The following PUDP variants were observed in gnomAD, a reference collection of about 807,000 sequenced individuals.
The protein encoded by PUDP is pseudouridine-5'-phosphatase.
PUDP carries 8 observed loss-of-function variants against 9.4 expected under a neutral mutation model. That is an observed-to-expected ratio of 0.85 (90% CI 0.50 to 1.53). The LOEUF (loss-of-function observed/expected upper bound fraction) is 1.53. Ranked by LOEUF, PUDP falls within the 40% of genes most tolerant of loss-of-function variation. The pLI is 0.00. For synonymous variants in PUDP, 99 were observed against 80.7 expected, an observed-to-expected ratio of 1.23 and a Z score of -1.22; for missense variants, 188 against 189.7, an observed-to-expected ratio of 0.99 and a Z score of 0.05.
chrX:6,822,465 C>T (rs1347676478), intron 3 of PUDP, among the ~76,000 whole-genome samples: 2 of 112,156 alleles, frequency 1.8e-5, no homozygotes, highest in Admixed American at 9.4e-5. Flanking sequence ...CTCGCTCTAT[C>T]GTCCAGGCTG....
At chrX:6,906,798 A>C (rs751065240) in intron 3 of PUDP, among the ~76,000 whole-genome samples, 2 of 111,875 alleles carry the variant, frequency 1.8e-5, no homozygotes, top group Non-Finnish European at 3.8e-5. Flanking sequence ...TGGGAACATC[A>C]GACTGTAGCT....
chrX:6,790,181 TAGAC>T (rs757637792), intron 3 of PUDP, among the ~76,000 whole-genome samples: 10 of 111,418 alleles, frequency 9.0e-5, no homozygotes, highest in Non-Finnish European at 1.9e-4. Flanking sequence ...TGACAGATAA[TAGAC>T]AGATAATGAC....
rs1415426203 is a variant in PUDP at position 6,950,577 on chromosome X, A to AT, written c.*247+26555dup. Among the ~76,000 whole-genome samples the AT allele has an allele frequency of 2.8e-3, 287 of 103,524 alleles. 3 individuals carry two copies. Among genetic ancestry groups the AT allele is most frequent in the African/African-American group, 9.6e-3 (271 of 28,352 alleles). 89.9% of individuals were successfully genotyped at this position (103,524 alleles called of 115,157 possible). On this transcript the variant is annotated intron_variant and NMD_transcript_variant, in intron 3 of 3. Coordinates refer to the PUDP transcript ENST00000655425. ...AGGCACCCACCACCACTCCCGGCTA[A>AT]TTTTTTGTATTTTTAGTGTAGACAG...
At chrX:6,805,910 A>G (rs1440136066) in intron 3 of PUDP, among the ~76,000 whole-genome samples, 3 of 111,898 alleles carry the variant, frequency 2.7e-5, no homozygotes, top group Admixed American at 9.5e-5. Context: ...AAGTTTGAGC[A>G]GAGGAATTTC....
rs753170117 is a variant in PUDP at position 7,030,583 on chromosome X, T to C, written c.204+46637A>G. Among the ~76,000 whole-genome samples, 177 of 111,065 alleles carry C rather than the reference T, an allele frequency of 1.6e-3. 1 individual carries two copies. Among genetic ancestry groups the C allele is most frequent in the African/African-American group, 4.8e-3 (146 of 30,593 alleles). On this transcript the variant is annotated intron_variant and NMD_transcript_variant, in intron 1 of 3. Transcript: ENST00000655425. ...GCAAAACACACATCCCAGAACATGC[T>C]TGGAGACAGGGGAGGCCACTCTCTA... is the stretch of plus-strand genomic sequence containing the variant.
chrX:6,819,536 T>C (rs994293036), intron 3 of PUDP, among the ~76,000 whole-genome samples: 4 of 112,572 alleles, frequency 3.6e-5, no homozygotes, highest in Non-Finnish European at 7.5e-5. Context: ...AATTTGAAAG[T>C]TCCCCCTTTT....
intron 3 of PUDP, among the ~76,000 whole-genome samples, chrX:6,856,337 C>T (rs1926905836): frequency 8.9e-6 from 1 of 111,761 alleles, no homozygotes; most frequent in Non-Finnish European, 1.9e-5. Context: ...CACCTGTTTC[C>T]AGGCTTCTTT....
In PUDP at chrX:7,029,224, A is replaced by G. The variant is rs749134191; in HGVS notation, c.204+47996T>C. On this transcript the variant is annotated intron_variant and NMD_transcript_variant, in intron 1 of 3. Coordinates refer to the PUDP transcript ENST00000655425. ...CTTCTTCTTCCAATGTGGCCCAGGG[A>G]AGCCAAAAGATTGGACTCCGTTGCC... Among the ~76,000 whole-genome samples the G allele has an allele frequency of 5.4e-5, 6 of 111,846 alleles. No individual in the cohort carries two copies. The South Asian group carries it at 2.3e-3, about 42-fold the overall frequency.
intron 1 of PUDP, among the ~76,000 whole-genome samples, chrX:7,115,967 C>T (rs1932184290): frequency 8.9e-6 from 1 of 112,271 alleles, no homozygotes; most frequent in South Asian, 3.6e-4. Context: ...CAAGAGAAGC[C>T]CACGAAAAGA....
intron 3 of PUDP, among the ~76,000 whole-genome samples, chrX:6,855,695 G>T (rs928564799): frequency 8.9e-6 from 1 of 112,060 alleles, no homozygotes; most frequent in Non-Finnish European, 1.9e-5. Context: ...GGATAGTGGA[G>T]GAAGAATGGT....
chrX:6,907,028 A>G (rs992902740), intron 3 of PUDP, among the ~76,000 whole-genome samples: 1 of 110,916 alleles, frequency 9.0e-6, no homozygotes, highest in Non-Finnish European at 1.9e-5. Flanking sequence ...TCTCTACTTG[A>G]TATGGTTTGG....
intron 1 of PUDP, among the ~76,000 whole-genome samples, chrX:6,978,352 A>G (rs1928984082): frequency 3.9e-5 from 2 of 51,905 alleles, no homozygotes; most frequent in Admixed American, 1.9e-4. Context: ...TTCTAAAAAA[A>G]GAGAGAGAGA....
intron 1 of PUDP, among the ~76,000 whole-genome samples, chrX:7,121,277 T>C (rs376479963): frequency 3.6e-5 from 4 of 111,885 alleles, no homozygotes; most frequent in African/African-American, 1.3e-4. Context: ...TGTGAGGAAA[T>C]CTTCCTGGGA....
intron 3 of PUDP, among the ~76,000 whole-genome samples, chrX:6,916,879 G>A (rs1927943523): frequency 8.9e-6 from 1 of 112,038 alleles, no homozygotes; most frequent in African/African-American, 3.2e-5. Context: ...CTCTTCCAAT[G>A]TGAACTGAAA....
At chrX:7,054,706 C>T (rs919119087) in intron 3 of PUDP, among the ~76,000 whole-genome samples, 10 of 112,152 alleles carry the variant, frequency 8.9e-5, no homozygotes, top group Non-Finnish European at 1.9e-4. Context: ...CCCTCTTCTT[C>T]CTCCTCTCAT....
At chrX:7,140,360 A>G (rs1397157080) in intron 1 of PUDP, among the ~76,000 whole-genome samples, 1 of 111,494 alleles carries the variant, frequency 9.0e-6, no homozygotes, top group African/African-American at 3.3e-5. Flanking sequence ...GAATAACACT[A>G]TTGTGCTTTC....
chrX:6,712,057 C>T (rs192669520), intron 1 of PUDP, among the ~76,000 whole-genome samples: 15 of 112,552 alleles, frequency 1.3e-4, no homozygotes, highest in African/African-American at 4.8e-4. Flanking sequence ...CACAAAATAA[C>T]TGCATGCCAC....
chrX:6,722,892 G>A (rs1299351751), upstream of PUDP, among the ~76,000 whole-genome samples: 1 of 111,979 alleles, frequency 8.9e-6, no homozygotes, highest in African/African-American at 3.2e-5. Flanking sequence ...ATGGTTAAAA[G>A]AATTACAAGA....
At chrX:7,131,343 C>T (rs187340035) in intron 1 of PUDP, among the ~76,000 whole-genome samples, 1 of 110,910 alleles carries the variant, frequency 9.0e-6, no homozygotes, top group East Asian at 2.8e-4. Flanking sequence ...ATCCCTAGGG[C>T]CCGAGAATCG....
Sources: allele counts gnomAD v4.1 joint callset (sites outside exome capture counted in the v4.1 genomes callset), GRCh38; gene constraint gnomAD v4.1.1; transcripts MANE v1.5; gene names NCBI Gene and HGNC (gene_info 2026-07-23, HGNC 2026-07-21).